Variants in LHX2 observed in about 807,000 individuals in gnomAD.
LHX2 encodes LIM/homeobox protein Lhx2.
Under a neutral mutation model 33.0 loss-of-function variants are expected in LHX2, and 6 were observed. That is an observed-to-expected ratio of 0.18 (90% CI 0.10 to 0.36). LHX2 has a LOEUF of 0.36. Ranked by LOEUF, LHX2 falls within the 10% of genes least tolerant of loss-of-function variation. The pLI, the probability that LHX2 is intolerant of heterozygous loss-of-function variation, is 1.00. For synonymous variants in LHX2, 292 were observed against 253.1 expected (o/e 1.15, Z -1.46); for missense variants, 442 against 586.2 (o/e 0.75, Z 2.54).
intron 4 of LHX2, among the ~76,000 whole-genome samples, 176 bp downstream of exon 4, chr9:124,021,480 C>CT (rs1240697173): frequency 9.2e-5 from 14 of 152,266 alleles, no homozygotes; most frequent in Admixed American, 2.6e-4. Context: ...GTATTTCAGT[C>CT]TTTTTTTTCT....
At chr9:124,018,226 T>C (rs1373931122) in intron 3 of LHX2, among the ~76,000 whole-genome samples, 1 of 151,328 alleles carries the variant, frequency 6.6e-6, no homozygotes, top group Non-Finnish European at 1.5e-5. Context: ...AAATTATTCA[T>C]GATTTTACGA....
In LHX2 at chr9:124,012,523, C is replaced by T; in HGVS notation, c.120+55C>T. 6.9e-7 allele frequency: 1 copy of T among 1,444,722 alleles called. No individual in the cohort carries two copies. Among genetic ancestry groups the T allele is most frequent in the Non-Finnish European group, 9.1e-7 (1 of 1,098,368 alleles). 89.5% of individuals were successfully genotyped at this position (1,444,722 alleles called of 1,614,324 possible). A position where few individuals can be genotyped will look rare whatever the true frequency, so the allele number is the denominator to read the frequency against. ...AGAGCTGGGATGGGGCCGGGCCAGTCAGCGCCTCTGCTCCCCGAAGTTTGG... is the reference window on the plus strand; with the variant it reads ...AGAGCTGGGATGGGGCCGGGCCAGTTAGCGCCTCTGCTCCCCGAAGTTTGG... On this transcript the variant is annotated intron_variant, in intron 1 of 4. Coordinates refer to ENST00000373615, the MANE Select transcript of LHX2 (RefSeq NM_004789.4). The surrounding 1 kb of genome is among the most constrained non-coding windows in gnomAD (Gnocchi z 4.3).
At chr9:124,029,301 A>G (rs1305844385) in intron 4 of LHX2, among the ~76,000 whole-genome samples, 1 of 152,094 alleles carries the variant, frequency 6.6e-6, no homozygotes, top group Non-Finnish European at 1.5e-5. Flanking sequence ...CATATTACTG[A>G]TTCTTAATCT....
chr9:124,032,510 C>A lies in LHX2; in HGVS notation c.1024C>A (p.Gln342Lys). ...GVDKSTDAAL[Q>K]TGTPSGPASE... is the part of the protein sequence containing the mutation. ...GGACAAGTCGACAGACGCGGCGCTG[C>A]AGACAGGGACGCCATCGGGCCCGGC... The change falls in exon 5 of 5, where the codon CAG (glutamine) becomes AAG (lysine). Residue 342 changes from glutamine to lysine, a missense_variant. Gln to Lys is a moderately conservative substitution (Grantham distance 53). This residue lies in a region of LHX2 where 109 missense variants were observed against 98.7 expected (regional missense o/e 1.10). Coordinates refer to ENST00000373615, the MANE Select transcript of LHX2 (RefSeq NM_004789.4). This position sits in a 1 kb window ranked among gnomAD's most constrained non-coding sequence, Gnocchi z 4.1. 1 of 1,613,556 alleles carries A rather than the reference C, an allele frequency of 6.2e-7. No homozygotes were observed.
chr9:124,017,818 G>A (rs1280761577), intron 3 of LHX2, among the ~76,000 whole-genome samples: 1 of 152,100 alleles, frequency 6.6e-6, no homozygotes, highest in Non-Finnish European at 1.5e-5. Flanking sequence ...TCCTTCCGGG[G>A]CGGGGCCGCA....
rs1003223662 is a variant in LHX2, at chr9:124,012,619, C to A, written c.120+151C>A. The A allele has an allele frequency of 2.0e-6, 2 of 1,014,550 alleles. No homozygotes were observed. The highest frequency in any genetic ancestry group is 4.0e-5 in the Admixed American group (1 of 25,262). 62.8% of individuals were successfully genotyped at this position (1,014,550 alleles called of 1,614,324 possible). A position where few individuals can be genotyped will look rare whatever the true frequency, so the allele number is the denominator to read the frequency against. On this transcript the variant is annotated intron_variant, in intron 1 of 4. Transcript: ENST00000373615. The surrounding 1 kb of genome is among the most constrained non-coding windows in gnomAD (Gnocchi z 4.3). ...GTCAGAATGCAAGGCCGGTGGCTCC[C>A]GGTTCGGGGGAAACCCGGCTGCTGG...
intron 3 of LHX2, among the ~76,000 whole-genome samples, chr9:124,017,559 C>T (rs1859213200): frequency 6.6e-6 from 1 of 152,012 alleles, no homozygotes; most frequent in Non-Finnish European, 1.5e-5. Context: ...GGTGTGCGGG[C>T]GCGGGTCGTG....
intron 4 of LHX2, chr9:124,022,005 A>G: frequency 6.6e-6 from 1 of 152,308 alleles, no homozygotes; most frequent in East Asian, 1.9e-4. Flanking sequence ...TGTGCGAGTA[A>G]CTTCTTAATA....
intron 4 of LHX2, among the ~76,000 whole-genome samples, chr9:124,023,471 G>A (rs745667273): frequency 2.0e-5 from 3 of 152,300 alleles, no homozygotes; most frequent in Admixed American, 6.5e-5. Context: ...GGATGGAACC[G>A]GGTTCAGGAA....
Position 124,032,367 on chromosome 9 carries a change from G to A in LHX2, c.934-53G>A. 6.5e-7 allele frequency: 1 copy of A among 1,528,308 alleles called. No individual in the cohort carries two copies. Among genetic ancestry groups the A allele is most frequent in the Non-Finnish European group, 8.8e-7 (1 of 1,135,936 alleles). 94.7% of individuals were successfully genotyped at this position (1,528,308 alleles called of 1,614,324 possible). A position where few individuals can be genotyped will look rare whatever the true frequency, so the allele number is the denominator to read the frequency against. Reference sequence around the variant, plus strand: ...CAGAGCTCTGAGTGAAGCAGTCGGGGGGATGCTCTGCCTGCCTTCCGCTCA... The same window carrying A: ...CAGAGCTCTGAGTGAAGCAGTCGGGAGGATGCTCTGCCTGCCTTCCGCTCA... On this transcript the variant is annotated intron_variant, in intron 4 of 4. Coordinates refer to ENST00000373615, the MANE Select transcript of LHX2 (RefSeq NM_004789.4). The surrounding 1 kb of genome is among the most constrained non-coding windows in gnomAD (Gnocchi z 4.1).
Position 124,013,942 on chromosome 9 carries a change from C to T in LHX2, c.121-19C>T, listed in dbSNP as rs913942443. ...GGCTGACGCAGGCGCTGCTGTCTTC[C>T]GCCTCCCTCCCTTCGCAGACCATGC... On this transcript the variant is annotated intron_variant, in intron 1 of 4. Coordinates refer to ENST00000373615, the MANE Select transcript of LHX2 (RefSeq NM_004789.4). 3 of 1,606,320 alleles carry T rather than the reference C, an allele frequency of 1.9e-6. No homozygotes were observed. The highest frequency in any genetic ancestry group is 1.7e-6 in the Non-Finnish European group (2 of 1,175,828).
rs78148114 is a variant in LHX2 at position 124,032,840 on chromosome 9, T to TAA, written c.*140_*141dup. The TAA allele has an allele frequency of 1.5e-5, 16 of 1,060,120 alleles. No individual in the cohort carries two copies. Among genetic ancestry groups the TAA allele is most frequent in the South Asian group, 5.5e-5 (3 of 54,884 alleles). 65.7% of individuals were successfully genotyped at this position (1,060,120 alleles called of 1,614,324 possible). On this transcript the variant is annotated 3_prime_UTR_variant, in exon 5 of 5. Transcript: ENST00000373615. This position sits in a 1 kb window ranked among gnomAD's most constrained non-coding sequence, Gnocchi z 4.1. ...TTAGGATCTCGCCTGGAAACAGAGG[T>TAA]AAAAAAAAGAAGTGTGCGCCCGGCT...
chr9:124,013,975 C>T lies in LHX2; in HGVS notation c.135C>T (p.Ile45=). Residue 45 remains isoleucine (I), a synonymous_variant, in exon 2 of 5, where the codon ATC becomes ATT. Transcript: ENST00000373615. The part of the protein sequence containing the change: ...RGDTETTMPS[I]SSDRAALCAG... ...TCCCTTCGCAGACCATGCCGTCCATCAGCAGTGACCGCGCCGCGCTGTGCG... is the reference window on the plus strand; with the variant it reads ...TCCCTTCGCAGACCATGCCGTCCATTAGCAGTGACCGCGCCGCGCTGTGCG... 1 of 1,612,920 alleles carries T rather than the reference C, an allele frequency of 6.2e-7. No homozygotes were observed. The highest frequency in any genetic ancestry group is 1.7e-5 in the Admixed American group (1 of 60,010).
Position 124,012,588 on chromosome 9 carries a change from T to C in LHX2, c.120+120T>C. On this transcript the variant is annotated intron_variant, in intron 1 of 4. Coordinates refer to ENST00000373615, the MANE Select transcript of LHX2 (RefSeq NM_004789.4). This position sits in a 1 kb window ranked among gnomAD's most constrained non-coding sequence, Gnocchi z 4.3. ...GCCGCACGGGACTGGGTGCTGGGGATCCTCGGTCAGAATGCAAGGCCGGTG... is the reference window on the plus strand; with the variant it reads ...GCCGCACGGGACTGGGTGCTGGGGACCCTCGGTCAGAATGCAAGGCCGGTG... 1 of 1,215,572 alleles carries C rather than the reference T, an allele frequency of 8.2e-7. No homozygotes were observed. The allele number at this position is 1,215,572 out of a possible 1,614,324, so 75.3% of individuals were successfully genotyped here.
rs188534285 is a variant in LHX2 at position 124,019,334 on chromosome 9, G to A, written c.728-1765G>A. Among the ~76,000 whole-genome samples the A allele has an allele frequency of 2.5e-3, 378 of 152,340 alleles. 1 individual carries two copies. Among genetic ancestry groups the A allele is most frequent in the African/African-American group, 8.6e-3 (359 of 41,578 alleles). On this transcript the variant is annotated intron_variant, in intron 3 of 4. Transcript: ENST00000373615. ...CTCTTCCCCATCTGGGCAGGGGAAGGGGGAGGTCACCAGCAGAGTAAAAGT... is the reference window on the plus strand; with the variant it reads ...CTCTTCCCCATCTGGGCAGGGGAAGAGGGAGGTCACCAGCAGAGTAAAAGT...
Position 124,015,374 on chromosome 9 carries a change from A to G in LHX2, c.576A>G (p.Ala192=). 6.2e-7 allele frequency: 1 copy of G among 1,609,918 alleles called. No individual in the cohort carries two copies. The highest frequency in any genetic ancestry group is 8.5e-7 in the Non-Finnish European group (1 of 1,177,982). ...NHADVAAAAA[A]AAAAKSAGLG... ...CCGACGTGGCAGCGGCGGCCGCTGCAGCCGCGGCGGCCAAGAGCGCGGGGC... is the reference window on the plus strand; with the variant it reads ...CCGACGTGGCAGCGGCGGCCGCTGCGGCCGCGGCGGCCAAGAGCGCGGGGC... The change falls in exon 3 of 5, where the codon GCA becomes GCG. Residue 192 remains alanine (A), a synonymous_variant. Transcript: ENST00000373615. The surrounding 1 kb of genome is among the most constrained non-coding windows in gnomAD (Gnocchi z 7.9).
At position 124,012,871 on chromosome 9, in the gene LHX2, G is replaced by T. The variant is rs1859117481; in HGVS notation, c.120+403G>T. Among the ~76,000 whole-genome samples, 1 of 152,212 alleles carries T rather than the reference G, an allele frequency of 6.6e-6. No individual in the cohort carries two copies. Among genetic ancestry groups the T allele is most frequent in the Non-Finnish European group, 1.5e-5 (1 of 68,034 alleles). Reference sequence around the variant, plus strand: ...AAGGGCGAACCAGCTGGGAGCATTGGGGCTCCAGCCGGCTTGGGCCGCTCC... The same window carrying T: ...AAGGGCGAACCAGCTGGGAGCATTGTGGCTCCAGCCGGCTTGGGCCGCTCC... On this transcript the variant is annotated intron_variant, in intron 1 of 4. Coordinates refer to ENST00000373615, the MANE Select transcript of LHX2 (RefSeq NM_004789.4). The surrounding 1 kb of genome is among the most constrained non-coding windows in gnomAD (Gnocchi z 4.3).
chr9:124,013,962 C>T lies in LHX2; in HGVS notation c.122C>T (p.Thr41Ile). ...TCTTCCGCCTCCCTCCCTTCGCAGA[C>T]CATGCCGTCCATCAGCAGTGACCGC... ...SAIDRGDTETTMPSISSDRAA... is the reference protein window; with the variant it reads ...SAIDRGDTETIMPSISSDRAA... Residue 41 changes from threonine to isoleucine, a missense_variant and splice_region_variant, in exon 2 of 5, where the codon ACC becomes ATC. This residue lies in a region of LHX2 where 97 missense variants were observed against 81.5 expected (regional missense o/e 1.19). Transcript: ENST00000373615. 3 of 1,612,052 alleles carry T rather than the reference C, an allele frequency of 1.9e-6. No homozygotes were observed. Among genetic ancestry groups the T allele is most frequent in the Admixed American group, 3.3e-5 (2 of 60,000 alleles).
intron 4 of LHX2, among the ~76,000 whole-genome samples, chr9:124,024,866 T>C (rs1828585107): frequency 6.6e-6 from 1 of 152,230 alleles, no homozygotes; most frequent in African/African-American, 2.4e-5. Flanking sequence ...CAGATTGGTC[T>C]GAAATTTCCA....
Sources: gnomAD v4.1 joint callset for allele counts (sites outside exome capture counted in the v4.1 genomes callset) on GRCh38, gnomAD v4.1.1 for gene constraint, gnomAD v4.1.1 regional missense constraint, Gnocchi (gnomAD v3.1) non-coding constraint, MANE v1.5 for transcripts, NCBI Gene and HGNC (gene_info 2026-07-23, HGNC 2026-07-21) for gene names.